The following PARD3 variants were observed in gnomAD, a reference collection of about 807,000 sequenced individuals.
PARD3 encodes the protein par-3 family cell polarity regulator.
Under a neutral mutation model 155.4 loss-of-function variants are expected in PARD3, and 75 were observed. That is an observed-to-expected ratio of 0.48 (90% CI 0.40 to 0.58). The LOEUF is 0.58. Ranked by LOEUF, PARD3 falls within the 20% of genes least tolerant of loss-of-function variation. The pLI, the probability that PARD3 is intolerant of heterozygous loss-of-function variation, is 0.00. For missense variants in PARD3, 1,642 were observed against 1,721.7 expected, an observed-to-expected ratio of 0.95 and a Z score of 0.82; for synonymous variants, 576 against 610.5, an observed-to-expected ratio of 0.94 and a Z score of 0.83.
chr10:34,397,963 G>T (rs1406677533), intron 7 of PARD3, among the ~76,000 whole-genome samples: 2 of 152,070 alleles, frequency 1.3e-5, no homozygotes, highest in African/African-American at 2.4e-5. Flanking sequence ...TAAAGGCAAG[G>T]CCATGTTGAA....
intron 2 of PARD3, among the ~76,000 whole-genome samples, chr10:34,569,456 T>C (rs2086211359): frequency 6.6e-6 from 1 of 152,172 alleles, no homozygotes; most frequent in Non-Finnish European, 1.5e-5. Flanking sequence ...CTTGCTCTGT[T>C]GCCCAGGCTA....
intron 22 of PARD3, among the ~76,000 whole-genome samples, chr10:34,250,301 C>T (rs2248691): frequency 1.1e-4 from 17 of 151,734 alleles, no homozygotes; most frequent in Non-Finnish European, 1.2e-4. Flanking sequence ...TAATACAGAA[C>T]GAGAAAAAGA....
intron 1 of PARD3, among the ~76,000 whole-genome samples, chr10:34,734,322 CTTTTTTTTTTTT>C (rs142307338): frequency 1.0e-4 from 7 of 67,982 alleles, no homozygotes; most frequent in African/African-American, 1.8e-4. Flanking sequence ...ATATGGGGCC[CTTTTTTTTTTTT>C]TTTTTTTTTT....
chr10:34,668,436 G>A (rs771345089), intron 2 of PARD3, among the ~76,000 whole-genome samples: 3 of 152,126 alleles, frequency 2.0e-5, no homozygotes, highest in Non-Finnish European at 4.4e-5. Flanking sequence ...TTTGAACTAG[G>A]AGTCAGTCAT....
At chr10:34,799,657 G>A (rs916053868) in intron 1 of PARD3, among the ~76,000 whole-genome samples, 10 of 152,160 alleles carry the variant, frequency 6.6e-5, no homozygotes, top group Non-Finnish European at 1.2e-4. Flanking sequence ...TCATGGTATA[G>A]CAACTCACTG....
At chr10:34,799,676 C>G (rs974173019) in intron 1 of PARD3, among the ~76,000 whole-genome samples, 3 of 152,268 alleles carry the variant, frequency 2.0e-5, no homozygotes, top group Non-Finnish European at 4.4e-5. Context: ...TGTGCAGGCT[C>G]TGAAGTTAGA....
intron 2 of PARD3, among the ~76,000 whole-genome samples, chr10:34,656,533 A>G (rs140237305): frequency 4.6e-5 from 7 of 152,344 alleles, no homozygotes; most frequent in African/African-American, 1.7e-4. Flanking sequence ...CTGTGCCTGT[A>G]ATAACCTTAA....
chr10:34,761,790 C>G (rs767428754), intron 1 of PARD3, among the ~76,000 whole-genome samples: 89 of 152,174 alleles, frequency 5.8e-4, no homozygotes, highest in Non-Finnish European at 1.1e-3. Flanking sequence ...TGGTGTTCTA[C>G]TTAAGAAAAC....
At chr10:34,601,833 G>A (rs1003219941) in intron 2 of PARD3, among the ~76,000 whole-genome samples, 1 of 152,090 alleles carries the variant, frequency 6.6e-6, no homozygotes, top group African/African-American at 2.4e-5. Flanking sequence ...TTTTATGTGT[G>A]CTTAAAATTT....
intron 2 of PARD3, among the ~76,000 whole-genome samples, chr10:34,540,247 G>A (rs1416229529): frequency 3.9e-5 from 6 of 151,946 alleles, no homozygotes; most frequent in African/African-American, 9.7e-5. Flanking sequence ...ACAGTGTCTT[G>A]CACATAGTAG....
At chr10:34,556,625 G>A (rs201853807) in intron 2 of PARD3, among the ~76,000 whole-genome samples, 3 of 151,916 alleles carry the variant, frequency 2.0e-5, no homozygotes, top group Admixed American at 1.3e-4. Flanking sequence ...CTCGTGATCC[G>A]CCCGCCTCAG....
rs542431800 is a variant in PARD3 at position 34,516,027 on chromosome 10, G to A, written c.403+952C>T. 5.3e-5 allele frequency among the ~76,000 whole-genome samples: 8 copies of A among 151,866 alleles called. No homozygotes were observed. In the East Asian group the frequency reaches 5.8e-4, roughly 11 times the overall value. On this transcript the variant is annotated intron_variant, in intron 3 of 24. Transcript: ENST00000374788. ...GCTGGAGTGCAGTGGCACAATCTCG[G>A]TTCACTGCAACCTCCATCTCCAACC...
At chr10:34,489,590 T>C (rs1427034495) in intron 3 of PARD3, among the ~76,000 whole-genome samples, 1 of 152,228 alleles carries the variant, frequency 6.6e-6, no homozygotes, top group Non-Finnish European at 1.5e-5. Flanking sequence ...AAGGCAGCAA[T>C]AAGACTTCAT....
In PARD3 at chr10:34,681,750, ATATATATATATATATATATTTTTTT is replaced by A. The variant is rs1353256177; in HGVS notation, c.222+14543_222+14567del. Among the ~76,000 whole-genome samples, 5 of 16,452 alleles carry A rather than the reference ATATATATATATATATATATTTTTTT, an allele frequency of 3.0e-4. No individual in the cohort carries two copies. The East Asian group carries it at 4.9e-3, about 16-fold the overall frequency. 10.8% of individuals were successfully genotyped at this position (16,452 alleles called of 152,430 possible). A position where few individuals can be genotyped will look rare whatever the true frequency, so the allele number is the denominator to read the frequency against. ...GTATTTTATATATATATATATATAT[ATATATATATATATATATATTTTTTT>A]TTTTTTTTTTTTTTTTTTTTTTTTT... On this transcript the variant is annotated intron_variant, in intron 2 of 24. Transcript: ENST00000374788.
intron 3 of PARD3, among the ~76,000 whole-genome samples, chr10:34,504,200 G>A (rs2080896159): frequency 6.6e-6 from 1 of 151,830 alleles, no homozygotes; most frequent in African/African-American, 2.4e-5. Context: ...TATGATCACA[G>A]CTCACTGCAG....
chr10:34,137,330 C>T (rs1264137244), intron 22 of PARD3, among the ~76,000 whole-genome samples: 4 of 152,122 alleles, frequency 2.6e-5, no homozygotes, highest in Non-Finnish European at 4.4e-5. Flanking sequence ...CCCACAGCTG[C>T]ATGGAACACA....
At chr10:34,403,497 G>A (rs1466909813) in intron 5 of PARD3, among the ~76,000 whole-genome samples, 2 of 152,200 alleles carry the variant, frequency 1.3e-5, no homozygotes, top group Non-Finnish European at 2.9e-5. Flanking sequence ...TGAAGAGATA[G>A]TAAGAGACGG....
intron 2 of PARD3, among the ~76,000 whole-genome samples, chr10:34,546,938 AC>A (rs1223384285): frequency 6.6e-6 from 1 of 152,242 alleles, no homozygotes; most frequent in African/African-American, 2.4e-5. Flanking sequence ...ATCTGAAAAG[AC>A]AAGGAATTGT....
intron 18 of PARD3, among the ~76,000 whole-genome samples, chr10:34,335,384 G>A (rs1836064431): frequency 6.6e-6 from 1 of 151,954 alleles, no homozygotes; most frequent in African/African-American, 2.4e-5. Context: ...GTGCTAAGTA[G>A]TGTAACTACA....
Sources: allele counts gnomAD v4.1 joint callset (sites outside exome capture counted in the v4.1 genomes callset), GRCh38; gene constraint gnomAD v4.1.1; transcripts MANE v1.5; gene names NCBI Gene and HGNC (gene_info 2026-07-23, HGNC 2026-07-21).